RPA2: variants seen among roughly 807,000 people sequenced by gnomAD.
RPA2 encodes the protein replication protein A 32 kDa subunit.
RPA2 carries 22 observed loss-of-function variants against 33.4 expected under a neutral mutation model. The observed-to-expected ratio is 0.66, with a 90% CI of 0.47 to 0.94. The LOEUF (loss-of-function observed/expected upper bound fraction) is 0.94, where lower values mean the gene tolerates loss of function less well. Among genes scored for constraint, RPA2 ranks in the 40% least tolerant of loss-of-function variants. The pLI is 0.00. For synonymous variants in RPA2, 109 were observed against 114.9 expected (o/e 0.95, Z 0.33); for missense variants, 279 against 329.9 (o/e 0.85, Z 1.19).
intron 4 of RPA2, among the ~76,000 whole-genome samples, chr1:27,898,772 T>C (rs2089924475): frequency 6.6e-6 from 1 of 152,120 alleles, no homozygotes; most frequent in Non-Finnish European, 1.5e-5. Context: ...TTGGCCAGGA[T>C]GGTCTCGATC....
At chr1:27,896,976 G>C (rs2089900050) in intron 6 of RPA2, 29 bp downstream of exon 6, 1 of 1,527,612 alleles carries the variant, frequency 6.5e-7, no homozygotes, top group Non-Finnish European at 9.0e-7. Context: ...CCAGGGAAGA[G>C]AAAAAGCTAG....
intron 4 of RPA2, 130 bp downstream of exon 4, chr1:27,906,798 A>C (rs1230649384): frequency 3.2e-6 from 2 of 627,496 alleles, no homozygotes; most frequent in East Asian, 2.8e-5. Context: ...CTAACCTTTT[A>C]CTTTAGAGTA....
At position 27,892,198 on chromosome 1, in the gene RPA2, C is replaced by CCA. The variant is rs762077983; in HGVS notation, c.776_777dup (p.Asp260TrpfsTer16). ...TCTGTGGATTTAAAATGGTCATCATCCACAGTAGAATAGATGTGCCCCTCA... is the reference window on the plus strand; with the variant it reads ...TCTGTGGATTTAAAATGGTCATCATCCACACAGTAGAATAGATGTGCCCCTCA... On this transcript the variant is annotated frameshift_variant, in exon 9 of 9. Transcript: ENST00000373912. LOFTEE classifies it high-confidence loss of function. The CCA allele has an allele frequency of 1.9e-6, 3 of 1,613,176 alleles. No individual in the cohort carries two copies. The African/African-American group carries it at 4.0e-5, about 22-fold the overall frequency.
chr1:27,900,237 G>A (rs1398108260), intron 4 of RPA2, among the ~76,000 whole-genome samples: 2 of 151,758 alleles, frequency 1.3e-5, no homozygotes, highest in Non-Finnish European at 2.9e-5. Flanking sequence ...TCAGCCTCCT[G>A]AGTAGCTGGG....
At chr1:27,907,941 C>T (rs374662102) in intron 2 of RPA2, among the ~76,000 whole-genome samples, 3 of 152,066 alleles carry the variant, frequency 2.0e-5, no homozygotes, top group African/African-American at 4.8e-5. Flanking sequence ...CTCCGTCTCC[C>T]GGGCTCAAGC....
At chr1:27,902,766 A>G (rs1249130708) in intron 4 of RPA2, among the ~76,000 whole-genome samples, 1 of 151,860 alleles carries the variant, frequency 6.6e-6, no homozygotes, top group African/African-American at 2.4e-5. Flanking sequence ...TCTTAAAAAA[A>G]AAAATGTTAA....
chr1:27,913,918 TA>T, intron 2 of RPA2, 144 bp downstream of exon 2: 1 of 799,130 alleles, frequency 1.3e-6, no homozygotes, highest in South Asian at 3.1e-5. Flanking sequence ...TTACAGCACT[TA>T]ATTATAAGAG....
intron 7 of RPA2, 79 bp downstream of exon 7, chr1:27,894,211 G>A (rs1212829421): frequency 6.6e-7 from 1 of 1,514,438 alleles, no homozygotes; most frequent in Non-Finnish European, 9.1e-7. Flanking sequence ...TACTTAAACA[G>A]TCGTAGCTCA....
intron 4 of RPA2, among the ~76,000 whole-genome samples, chr1:27,899,378 G>C (rs889406163): frequency 5.9e-5 from 9 of 151,902 alleles, no homozygotes; most frequent in Non-Finnish European, 5.9e-5. Context: ...GGTGGTGGGT[G>C]CCTGTAGTCC....
In RPA2 at chr1:27,897,632, C is replaced by A; in HGVS notation, c.408+1G>T. 1 of 1,596,354 alleles carries A rather than the reference C, an allele frequency of 6.3e-7. No individual in the cohort carries two copies. Among genetic ancestry groups the A allele is most frequent in the Non-Finnish European group, 8.5e-7 (1 of 1,171,494 alleles). ...TAACTGTTATTTTATTCTGACTTTA[C>A]CTGAAAAGATCTCAGGTGGCCTGCC... On this transcript the variant is annotated splice_donor_variant, in intron 5 of 8. Coordinates refer to ENST00000373912, the MANE Select transcript of RPA2 (RefSeq NM_002946.5). LOFTEE classifies it high-confidence loss of function.
intron 4 of RPA2, among the ~76,000 whole-genome samples, chr1:27,902,269 T>A (rs1009653521): frequency 1.6e-4 from 24 of 148,438 alleles, no homozygotes; most frequent in Admixed American, 5.5e-4. Flanking sequence ...TAATTTTTTT[T>A]ATTATTTTTA....
intron 5 of RPA2, among the ~76,000 whole-genome samples, 164 bp from the exon 6 acceptor site, chr1:27,897,285 A>C (rs367800124): frequency 6.6e-6 from 1 of 151,378 alleles, no homozygotes; most frequent in East Asian, 1.9e-4. Flanking sequence ...ATGAGGAGAA[A>C]AAAAACTAAA....
intron 4 of RPA2, among the ~76,000 whole-genome samples, chr1:27,902,665 T>C (rs1024101058): frequency 5.9e-5 from 9 of 151,944 alleles, no homozygotes; most frequent in Non-Finnish European, 1.5e-5. Context: ...GTATGGAGGA[T>C]AGGCACAGAG....
At chr1:27,903,380 G>A (rs983007460) in intron 4 of RPA2, among the ~76,000 whole-genome samples, 1 of 152,126 alleles carries the variant, frequency 6.6e-6, no homozygotes, top group African/African-American at 2.4e-5. Context: ...AATGGAATCG[G>A]TGGTCATTTA....
In RPA2 at chr1:27,893,608, G is replaced by A. The variant is rs187536976; in HGVS notation, c.728+404C>T. 9.2e-5 allele frequency among the ~76,000 whole-genome samples: 14 copies of A among 151,920 alleles called. No individual in the cohort carries two copies. The East Asian group carries it at 9.7e-4, about 10-fold the overall frequency. ...CTACAGGCATGAGCTAATGCCTGGC[G>A]AACTTTTACTTTTTTTTGAGATGGA... On this transcript the variant is annotated intron_variant, in intron 8 of 8. Transcript: ENST00000373912.
intron 4 of RPA2, among the ~76,000 whole-genome samples, chr1:27,901,694 CA>C (rs374385397): frequency 6.6e-6 from 1 of 151,558 alleles, no homozygotes; most frequent in Non-Finnish European, 1.5e-5. Context: ...AACAAACAAA[CA>C]AAAAAAACAA....
intron 1 of RPA2, 90 bp downstream of exon 1, chr1:27,914,344 C>T: frequency 6.2e-7 from 1 of 1,613,972 alleles, no homozygotes; most frequent in Non-Finnish European, 8.5e-7. Flanking sequence ...TCCTCTCCCG[C>T]TACCACACGC....
chr1:27,912,098 A>T (rs1242357969), intron 2 of RPA2, among the ~76,000 whole-genome samples: 1 of 152,170 alleles, frequency 6.6e-6, no homozygotes, highest in African/African-American at 2.4e-5. Context: ...TGTCTCAAAA[A>T]AAAAAAGAAA....
rs2090146213 is a variant in RPA2 at position 27,914,565 on chromosome 1, T to A, written c.-122A>T. ...ACTTTTCTCTGGCACCACAAACGCCTTCCCGCGAATGGCGGAGCCAGTCAG... is the reference window on the plus strand; with the variant it reads ...ACTTTTCTCTGGCACCACAAACGCCATCCCGCGAATGGCGGAGCCAGTCAG... On this transcript the variant is annotated 5_prime_UTR_variant, in exon 1 of 9. The change creates a new upstream start codon in the 5' untranslated region. Transcript: ENST00000373912. 14 of 1,612,180 alleles carry A rather than the reference T, an allele frequency of 8.7e-6. No homozygotes were observed. The highest frequency in any genetic ancestry group is 1.1e-5 in the Non-Finnish European group (13 of 1,179,392).
Sources: gnomAD v4.1 joint callset for allele counts (sites outside exome capture counted in the v4.1 genomes callset) on GRCh38, gnomAD v4.1.1 for gene constraint, MANE v1.5 for transcripts, NCBI Gene and HGNC (gene_info 2026-07-23, HGNC 2026-07-21) for gene names.